Variants in ANGPT1 observed in about 807,000 individuals in gnomAD.
ANGPT1 encodes angiopoietin-1.
Under a neutral mutation model 62.2 loss-of-function variants are expected in ANGPT1, and 17 were observed. That is an observed-to-expected ratio of 0.27 (90% CI 0.19 to 0.41). The LOEUF (loss-of-function observed/expected upper bound fraction) is 0.41, where lower values mean the gene tolerates loss of function less well. ANGPT1 is among the 10% of genes least tolerant of loss of function. ANGPT1 has a pLI of 1.00. For synonymous variants in ANGPT1, 199 were observed against 198.9 expected (o/e 1.00, Z 0.00); for missense variants, 478 against 594.9 (o/e 0.80, Z 2.04).
intron 5 of ANGPT1, among the ~76,000 whole-genome samples, chr8:107,299,643 A>T (rs1814517288): frequency 7.2e-6 from 1 of 138,160 alleles, no homozygotes; most frequent in African/African-American, 2.6e-5. Context: ...CTATATATAG[A>T]TATAAATATC....
At chr8:107,459,489 AAACAACAACAACAAC>A (rs139781448) in intron 1 of ANGPT1, among the ~76,000 whole-genome samples, 52 of 150,076 alleles carry the variant, frequency 3.5e-4, no homozygotes, top group Admixed American at 1.1e-3. Flanking sequence ...ACTCCTTATC[AAACAACAACAACAAC>A]AACAACAACA....
chr8:107,469,341 A>G (rs1375323899), intron 1 of ANGPT1, among the ~76,000 whole-genome samples: 1 of 152,004 alleles, frequency 6.6e-6, no homozygotes, highest in African/African-American at 2.4e-5. Flanking sequence ...ATTGATATTC[A>G]GTTCCTCACT....
chr8:107,348,534 G>A (rs1815861808), intron 1 of ANGPT1, among the ~76,000 whole-genome samples: 1 of 151,660 alleles, frequency 6.6e-6, no homozygotes, highest in East Asian at 1.9e-4. Context: ...ATTAGACATA[G>A]GAGGGAAAAA....
At chr8:107,288,572 G>C (rs1473247974) in intron 6 of ANGPT1, among the ~76,000 whole-genome samples, 1 of 152,086 alleles carries the variant, frequency 6.6e-6, no homozygotes, top group East Asian at 1.9e-4. Flanking sequence ...TGGACTCAGA[G>C]GGAGAGCTAT....
intron 6 of ANGPT1, among the ~76,000 whole-genome samples, chr8:107,291,891 T>G: frequency 2.3e-5 from 2 of 87,116 alleles, no homozygotes; most frequent in South Asian, 4.8e-4. Context: ...CCACTGAAGA[T>G]GGGGGGGGGG....
chr8:107,395,433 A>G (rs1045842333), intron 1 of ANGPT1, among the ~76,000 whole-genome samples: 2 of 152,144 alleles, frequency 1.3e-5, no homozygotes, highest in African/African-American at 4.8e-5. Flanking sequence ...AAGAATTTTC[A>G]GTGTATTACA....
chr8:107,365,878 CACA>C (rs999826955), intron 1 of ANGPT1, among the ~76,000 whole-genome samples: 1 of 149,674 alleles, frequency 6.7e-6, no homozygotes, highest in Non-Finnish European at 1.5e-5. Context: ...CACACACACA[CACA>C]CACACACACG....
intron 1 of ANGPT1, among the ~76,000 whole-genome samples, chr8:107,421,434 GA>G (rs1297326018): frequency 6.6e-6 from 1 of 152,096 alleles, no homozygotes; most frequent in African/African-American, 2.4e-5. Context: ...CCAAAACAAG[GA>G]AAGAAAGAAA....
intron 1 of ANGPT1, among the ~76,000 whole-genome samples, chr8:107,484,669 G>T (rs547981642): frequency 1.4e-4 from 21 of 152,292 alleles, no homozygotes; most frequent in Admixed American, 2.6e-4. Flanking sequence ...GCCTCCGAAA[G>T]TGATGGATTA....
At chr8:107,443,149 C>G (rs139059987) in intron 1 of ANGPT1, among the ~76,000 whole-genome samples, 21 of 152,252 alleles carry the variant, frequency 1.4e-4, no homozygotes, top group African/African-American at 4.8e-4. Context: ...GATCTGCATT[C>G]TTAGCTGTCT....
At chr8:107,354,469 C>T (rs1314603785) in intron 1 of ANGPT1, among the ~76,000 whole-genome samples, 3 of 152,116 alleles carry the variant, frequency 2.0e-5, no homozygotes, top group Non-Finnish European at 4.4e-5. Flanking sequence ...TCGATCATTT[C>T]TAATGACTCA....
chr8:107,438,673 T>C (rs1446094813), intron 1 of ANGPT1, among the ~76,000 whole-genome samples: 1 of 152,162 alleles, frequency 6.6e-6, no homozygotes, highest in African/African-American at 2.4e-5. Flanking sequence ...GCTATGGTTA[T>C]CACCAAAATT....
chr8:107,346,143 G>T (rs902311595), intron 2 of ANGPT1, among the ~76,000 whole-genome samples: 2 of 152,112 alleles, frequency 1.3e-5, no homozygotes, highest in Non-Finnish European at 2.9e-5. Context: ...TACCTGTGAT[G>T]CCAGTATCGC....
intron 1 of ANGPT1, among the ~76,000 whole-genome samples, chr8:107,443,923 C>G (rs1015721532): frequency 6.6e-6 from 1 of 151,650 alleles, no homozygotes; most frequent in African/African-American, 2.4e-5. Flanking sequence ...TGCAGACAAA[C>G]ACAAAATGAA....
chr8:107,364,198 C>T (rs1454724114), intron 1 of ANGPT1, among the ~76,000 whole-genome samples: 4 of 152,054 alleles, frequency 2.6e-5, no homozygotes. Flanking sequence ...AGCAAGCATC[C>T]ACAAGGATGT....
intron 7 of ANGPT1, among the ~76,000 whole-genome samples, chr8:107,279,888 A>C (rs142422546): frequency 3.3e-5 from 5 of 152,284 alleles, no homozygotes; most frequent in African/African-American, 1.2e-4. Flanking sequence ...ATGGGAGCAC[A>C]GAGTATCCAA....
At chr8:107,334,013 G>GGAAA (rs1815497208) in intron 3 of ANGPT1, among the ~76,000 whole-genome samples, 1 of 147,932 alleles carries the variant, frequency 6.8e-6, no homozygotes, top group African/African-American at 2.5e-5. Context: ...AAGGAAGGAA[G>GGAAA]GAAGGAAGGA....
chr8:107,250,314 C>T lies in ANGPT1; in HGVS notation c.*1541G>A, dbSNP rs1358802163. On this transcript the variant is annotated 3_prime_UTR_variant, in exon 9 of 9. Transcript: ENST00000517746. ...TCTTGATAAAATAATGCAGTAACTT[C>T]AAGCACCCCAAAAATTCACTTAAAA... is the stretch of plus-strand genomic sequence containing the variant. The T allele has an allele frequency of 6.6e-6, 1 of 152,132 alleles. No individual in the cohort carries two copies. The highest frequency in any genetic ancestry group is 1.5e-5 in the Non-Finnish European group (1 of 67,988). The allele number at this position is 152,132 out of a possible 1,614,324, so 9.4% of individuals were successfully genotyped here. A position where few individuals can be genotyped will look rare whatever the true frequency, so the allele number is the denominator to read the frequency against.
At chr8:107,299,405 AT>A (rs1814501004) in intron 5 of ANGPT1, among the ~76,000 whole-genome samples, 4 of 141,530 alleles carry the variant, frequency 2.8e-5, no homozygotes, top group Non-Finnish European at 6.2e-5. Context: ...ATATATATAT[AT>A]ATATATATAT....
Sources: gnomAD v4.1 joint callset for allele counts (sites outside exome capture counted in the v4.1 genomes callset) on GRCh38, gnomAD v4.1.1 for gene constraint, MANE v1.5 for transcripts, NCBI Gene and HGNC (gene_info 2026-07-23, HGNC 2026-07-21) for gene names.